The following RBM27 variants were observed in gnomAD, a reference collection of about 807,000 sequenced individuals.
RBM27 encodes the protein RNA-binding protein 27.
A neutral mutation model predicts 135.3 loss-of-function variants in RBM27; 22 were observed. The observed-to-expected ratio is 0.16, with a 90% confidence interval of 0.12 to 0.23. The LOEUF is 0.23. Ranked by LOEUF, RBM27 falls within the 10% of genes least tolerant of loss-of-function variation. RBM27 has a pLI of 1.00. For synonymous variants in RBM27, 481 were observed against 442.4 expected (o/e 1.09, Z -1.10); for missense variants, 1,009 against 1,281.0 (o/e 0.79, Z 3.24).
chr5:146,285,171 A>T (rs370381858), intron 20 of RBM27, among the ~76,000 whole-genome samples: 1 of 152,172 alleles, frequency 6.6e-6, no homozygotes, highest in Non-Finnish European at 1.5e-5. Flanking sequence ...AGAATTGGAA[A>T]ACTAAAGACC....
chr5:146,284,533 A>G, intron 19 of RBM27, 89 bp from the exon 20 acceptor site: 6 of 837,264 alleles, frequency 7.2e-6, no homozygotes, highest in African/African-American at 3.4e-5. Flanking sequence ...CTCCTGCCCT[A>G]TGTTATACTT....
Position 146,203,690 on chromosome 5 carries a change from A to C in RBM27, c.-76A>C. 5 of 1,338,696 alleles carry C rather than the reference A, an allele frequency of 3.7e-6. No homozygotes were observed. The highest frequency in any genetic ancestry group is 5.2e-6 in the Non-Finnish European group (5 of 956,202). The allele number at this position is 1,338,696 out of a possible 1,614,324, so 82.9% of individuals were successfully genotyped here. A position where few individuals can be genotyped will look rare whatever the true frequency, so the allele number is the denominator to read the frequency against. ...TGGGGCACCGGGAGCTGTGAAGGGA[A>C]CGTGAGGGGGCGGCGTAGTGGAGAC... On this transcript the variant is annotated 5_prime_UTR_variant, in exon 1 of 21. Coordinates refer to ENST00000265271, the MANE Select transcript of RBM27 (RefSeq NM_018989.2).
chr5:146,230,985 C>A, intron 6 of RBM27, 68 bp downstream of exon 6: 1 of 1,486,266 alleles, frequency 6.7e-7, no homozygotes, highest in Non-Finnish European at 9.2e-7. Context: ...GCATATATTG[C>A]ATATCTTTTA....
At chr5:146,249,177 C>T (rs533543672) in intron 8 of RBM27, among the ~76,000 whole-genome samples, 145 of 151,762 alleles carry the variant, frequency 9.6e-4, no homozygotes, top group African/African-American at 3.3e-3. Flanking sequence ...GAGACAGAGT[C>T]TCGGTATGTT....
At chr5:146,275,049 A>G (rs1759034495) in intron 19 of RBM27, among the ~76,000 whole-genome samples, 1 of 151,498 alleles carries the variant, frequency 6.6e-6, no homozygotes, top group African/African-American at 2.4e-5. Flanking sequence ...AACCTTTTCA[A>G]AAATGTAAAA....
At chr5:146,277,668 G>A (rs967036642) in intron 19 of RBM27, among the ~76,000 whole-genome samples, 3 of 150,852 alleles carry the variant, frequency 2.0e-5, no homozygotes, top group Non-Finnish European at 3.0e-5. Flanking sequence ...GACCACAGGC[G>A]CCCGCCACCA....
At chr5:146,282,564 C>G (rs563244154) in intron 19 of RBM27, among the ~76,000 whole-genome samples, 13 of 152,284 alleles carry the variant, frequency 8.5e-5, no homozygotes, top group African/African-American at 3.1e-4. Context: ...TACAGTATAA[C>G]AACTATTTAC....
At chr5:146,260,694 G>C in intron 11 of RBM27, 51 bp from the exon 12 acceptor site, 1 of 1,466,198 alleles carries the variant, frequency 6.8e-7, no homozygotes, top group Non-Finnish European at 9.2e-7. Flanking sequence ...ATATCTCTTT[G>C]CTAGGCATGA....
rs1561575029 is a variant in RBM27 at position 146,285,937 on chromosome 5, C to T, written c.3100-10C>T. 2 of 1,607,388 alleles carry T rather than the reference C, an allele frequency of 1.2e-6. No individual in the cohort carries two copies. The highest frequency in any genetic ancestry group is 3.4e-5 in the Admixed American group (2 of 59,654). ...TGCCACTAAGCAGATTTTAACCTCT[C>T]TTTCTTCAGGAAACAGAAACCTCAG... On this transcript the variant is annotated splice_polypyrimidine_tract_variant and intron_variant, in intron 20 of 20. Coordinates refer to ENST00000265271, the MANE Select transcript of RBM27 (RefSeq NM_018989.2).
chr5:146,208,535 G>T (rs1276293224), intron 1 of RBM27, among the ~76,000 whole-genome samples: 1 of 152,192 alleles, frequency 6.6e-6, no homozygotes, highest in Non-Finnish European at 1.5e-5. Flanking sequence ...CCCTACAGCT[G>T]CATGAATAGA....
At chr5:146,227,841 A>G (rs1279431972) in intron 3 of RBM27, among the ~76,000 whole-genome samples, 1 of 152,226 alleles carries the variant, frequency 6.6e-6, no homozygotes, top group Non-Finnish European at 1.5e-5. Flanking sequence ...TAACATTTCC[A>G]TTAGTTCCAA....
At chr5:146,251,559 G>A (rs1012637609) in intron 8 of RBM27, 152 bp from the exon 9 acceptor site, 1 of 707,998 alleles carries the variant, frequency 1.4e-6, no homozygotes, top group African/African-American at 1.8e-5. Flanking sequence ...TCTTTCTTGA[G>A]TTAGAAAGAA....
At chr5:146,228,854 C>T in intron 3 of RBM27, 92 bp from the exon 4 acceptor site, 2 of 936,746 alleles carry the variant, frequency 2.1e-6, no homozygotes, top group Non-Finnish European at 3.4e-6. Context: ...CTCAAGCAGT[C>T]TTCCCACCTG....
chr5:146,229,000 A>G lies in RBM27; in HGVS notation c.358A>G (p.Ser120Gly), dbSNP rs1436630652. 4 of 1,613,722 alleles carry G rather than the reference A, an allele frequency of 2.5e-6. No individual in the cohort carries two copies. Among genetic ancestry groups the G allele is most frequent in the African/African-American group, 1.3e-5 (1 of 74,916 alleles). ...ERDGRKKKYP[S>G]PQKTRSESSE... The stretch of plus-strand genomic sequence containing the variant: ...AGATGGCAGAAAAAAGAAATATCCT[A>G]GTCCCCAGAAGACTCGTTCAGAATC... The change falls in exon 4 of 21, where the codon AGT (serine) becomes GGT (glycine). Residue 120 changes from serine (S) to glycine (G), a missense_variant. Transcript: ENST00000265271.
intron 17 of RBM27, among the ~76,000 whole-genome samples, chr5:146,270,330 T>C (rs1221022938): frequency 6.6e-6 from 1 of 151,018 alleles, no homozygotes; most frequent in Non-Finnish European, 1.5e-5. Flanking sequence ...AATTGTTATA[T>C]GTAGTATTAC....
chr5:146,257,756 C>G (rs1400674968), intron 10 of RBM27, among the ~76,000 whole-genome samples: 1 of 151,552 alleles, frequency 6.6e-6, no homozygotes, highest in East Asian at 1.9e-4. Flanking sequence ...ATTAATGGTG[C>G]TAAGTTTGAT....
chr5:146,244,335 G>C lies in RBM27; in HGVS notation c.1279+6903G>C, dbSNP rs6580411. Among the ~76,000 whole-genome samples the C allele has an allele frequency of 2.5e-3, 380 of 152,202 alleles. 4 individuals are homozygous for C. Among genetic ancestry groups the C allele is most frequent in the African/African-American group, 8.8e-3 (367 of 41,530 alleles). The stretch of plus-strand genomic sequence containing the variant: ...CCATTATACTCTAGCCTGGACAGCA[G>C]AGAGAAGTAAGACCCTGTCTTAAAA... On this transcript the variant is annotated intron_variant, in intron 8 of 20. Coordinates refer to ENST00000265271, the MANE Select transcript of RBM27 (RefSeq NM_018989.2).
chr5:146,203,856 A>G, intron 1 of RBM27, 32 bp downstream of exon 1: 1 of 1,422,868 alleles, frequency 7.0e-7, no homozygotes, highest in Non-Finnish European at 9.4e-7. Context: ...GGGGCCGGCG[A>G]ACGTGGGCGT....
chr5:146,251,228 T>A (rs1267290517), intron 8 of RBM27, among the ~76,000 whole-genome samples: 1 of 152,220 alleles, frequency 6.6e-6, no homozygotes, highest in Non-Finnish European at 1.5e-5. Context: ...AATGTCTTTG[T>A]CTTTTTTTCT....
Sources: allele counts gnomAD v4.1 joint callset (sites outside exome capture counted in the v4.1 genomes callset), GRCh38; gene constraint gnomAD v4.1.1; transcripts MANE v1.5; gene names NCBI Gene and HGNC (gene_info 2026-07-23, HGNC 2026-07-21).